WDR49: variants seen among roughly 807,000 people sequenced by gnomAD.
The protein encoded by WDR49 is WD repeat domain 49.
In WDR49, 107 loss-of-function variants were observed where a neutral mutation model predicts 119.5. That is an observed-to-expected ratio of 0.90 (90% CI 0.77 to 1.05). The LOEUF (loss-of-function observed/expected upper bound fraction) is 1.05. WDR49 is among the 50% of genes least tolerant of loss of function. The pLI, the probability that WDR49 is intolerant of heterozygous loss-of-function variation, is 0.00. For missense variants in WDR49, 1,240 were observed against 1,220.5 expected, an observed-to-expected ratio of 1.02 and a Z score of -0.24; for synonymous variants, 425 against 418.8, an observed-to-expected ratio of 1.01 and a Z score of -0.18.
At chr3:167,612,960 A>G (rs1468517367) in intron 5 of WDR49, among the ~76,000 whole-genome samples, 1 of 152,236 alleles carries the variant, frequency 6.6e-6, no homozygotes, top group Non-Finnish European at 1.5e-5. Context: ...ATTTACTTAA[A>G]AAGAGTAAGA....
intron 16 of WDR49, among the ~76,000 whole-genome samples, chr3:167,518,200 G>A (rs1752293650): frequency 6.6e-6 from 1 of 151,828 alleles, no homozygotes; most frequent in African/African-American, 2.4e-5. Context: ...ACATACGTGT[G>A]CATGTGTCTT....
chr3:167,512,254 C>G lies in WDR49; in HGVS notation c.2775-6838G>C, dbSNP rs574512876. Among the ~76,000 whole-genome samples the G allele has an allele frequency of 2.0e-4, 30 of 152,296 alleles. No homozygotes were observed. In the South Asian group the frequency reaches 3.3e-3, roughly 17 times the overall value. ...AGGATGGATCTCCCAGGGGAAGGAG[C>G]AGGCAGCCATCTTTGCTCTTCTGCA... is the stretch of plus-strand genomic sequence containing the variant. On this transcript the variant is annotated intron_variant, in intron 16 of 18. Transcript: ENST00000682715.
chr3:167,597,130 C>A (rs915489013), intron 7 of WDR49, among the ~76,000 whole-genome samples: 8 of 152,174 alleles, frequency 5.3e-5, no homozygotes, highest in African/African-American at 1.9e-4. Flanking sequence ...AAAATGGTTT[C>A]ATGGGCCTGG....
chr3:167,554,003 A>C (rs1007309513), intron 10 of WDR49, among the ~76,000 whole-genome samples: 1 of 152,114 alleles, frequency 6.6e-6, no homozygotes, highest in African/African-American at 2.4e-5. Flanking sequence ...ACGACTACCT[A>C]TTAGAGCAAT....
chr3:167,613,608 A>T (rs1188883952), intron 5 of WDR49, among the ~76,000 whole-genome samples: 1 of 152,140 alleles, frequency 6.6e-6, no homozygotes, highest in Non-Finnish European at 1.5e-5. Flanking sequence ...CTCCCTGAGG[A>T]GTCTGTATTC....
At chr3:167,622,245 G>A (rs116834668) in intron 3 of WDR49, among the ~76,000 whole-genome samples, 3,084 of 151,944 alleles carry the variant, frequency 0.02, 64 homozygotes, top group Non-Finnish European at 0.024. Flanking sequence ...AGAAGCAAAG[G>A]AAAGTATGTG....
intron 13 of WDR49, among the ~76,000 whole-genome samples, chr3:167,529,683 T>C (rs939464486): frequency 1.3e-5 from 2 of 152,156 alleles, no homozygotes; most frequent in Admixed American, 6.6e-5. Flanking sequence ...TATGTAGTGA[T>C]AGCAGAATAG....
chr3:167,595,192 C>T (rs970897807), intron 7 of WDR49, among the ~76,000 whole-genome samples: 8 of 152,174 alleles, frequency 5.3e-5, no homozygotes, highest in African/African-American at 1.9e-4. Flanking sequence ...AGGAGAACTA[C>T]AAACCACTGC....
intron 16 of WDR49, among the ~76,000 whole-genome samples, chr3:167,509,975 G>A (rs946401392): frequency 6.6e-6 from 1 of 152,064 alleles, no homozygotes; most frequent in Non-Finnish European, 1.5e-5. Context: ...TTTCATTGTT[G>A]TAAGTATGCC....
intron 5 of WDR49, among the ~76,000 whole-genome samples, chr3:167,616,629 AAGAG>A (rs900488254): frequency 2.7e-5 from 4 of 150,610 alleles, no homozygotes; most frequent in Admixed American, 6.6e-5. Flanking sequence ...TATTAAAAAA[AAGAG>A]AGAGAGAGAG....
At chr3:167,531,740 C>T (rs1212156649) in intron 12 of WDR49, among the ~76,000 whole-genome samples, 1 of 152,076 alleles carries the variant, frequency 6.6e-6, no homozygotes, top group African/African-American at 2.4e-5. Flanking sequence ...CTGGAGAAAA[C>T]ATTTCTAAGC....
At chr3:167,611,184 G>T (rs543863220) in intron 5 of WDR49, among the ~76,000 whole-genome samples, 1 of 152,114 alleles carries the variant, frequency 6.6e-6, no homozygotes, top group Non-Finnish European at 1.5e-5. Flanking sequence ...ACAACAAAAA[G>T]ATAAAAAGCA....
At chr3:167,529,654 T>C (rs1465242072) in intron 13 of WDR49, among the ~76,000 whole-genome samples, 4 of 152,140 alleles carry the variant, frequency 2.6e-5, no homozygotes, top group Non-Finnish European at 5.9e-5. Flanking sequence ...AAAGTCCATA[T>C]GCACAGATTT....
intron 2 of WDR49, among the ~76,000 whole-genome samples, chr3:167,627,640 A>T (rs182768368): frequency 8.3e-4 from 126 of 152,186 alleles, no homozygotes; most frequent in Middle Eastern, 3.4e-3. Flanking sequence ...AGGCAAGGAA[A>T]GGTTCTCCCC....
intron 8 of WDR49, among the ~76,000 whole-genome samples, chr3:167,570,343 C>T (rs186094604): frequency 6.6e-6 from 1 of 152,152 alleles, no homozygotes; most frequent in Non-Finnish European, 1.5e-5. Context: ...AGGGAACCAC[C>T]AATTGAATTG....
At chr3:167,635,127 C>T (rs1330939232) in intron 2 of WDR49, among the ~76,000 whole-genome samples, 1 of 151,686 alleles carries the variant, frequency 6.6e-6, no homozygotes, top group Non-Finnish European at 1.5e-5. Flanking sequence ...AACCCAGCAA[C>T]ATATATATAT....
intron 7 of WDR49, among the ~76,000 whole-genome samples, chr3:167,597,210 C>T (rs148782757): frequency 2.2e-3 from 329 of 152,318 alleles, no homozygotes; most frequent in African/African-American, 7.4e-3. Flanking sequence ...CCAGCTCCAG[C>T]CTTAGCTAAA....
chr3:167,603,459 A>G (rs1367166906), intron 6 of WDR49, among the ~76,000 whole-genome samples: 1 of 152,152 alleles, frequency 6.6e-6, no homozygotes, highest in African/African-American at 2.4e-5. Flanking sequence ...TATTCAAGGT[A>G]TCTGTTACTG....
At chr3:167,608,873 A>G (rs1319777248) in intron 5 of WDR49, among the ~76,000 whole-genome samples, 1 of 152,200 alleles carries the variant, frequency 6.6e-6, no homozygotes, top group East Asian at 1.9e-4. Context: ...ATATTTATCC[A>G]TTAAGATGCT....
Sources: allele counts gnomAD v4.1 joint callset (sites outside exome capture counted in the v4.1 genomes callset), GRCh38; gene constraint gnomAD v4.1.1; transcripts MANE v1.5; gene names NCBI Gene and HGNC (gene_info 2026-07-23, HGNC 2026-07-21).